The following SIRPB2 variants were observed in gnomAD, a reference collection of about 807,000 sequenced individuals.
SIRPB2 encodes signal regulatory protein beta 2.
A neutral mutation model predicts 27.1 loss-of-function variants in SIRPB2; 18 were observed. The ratio of observed to expected loss-of-function variants is 0.66; its 90% CI spans 0.46 to 0.98. SIRPB2 has a LOEUF of 0.98. Among genes scored for constraint, SIRPB2 ranks in the 50% least tolerant of loss-of-function variants. The pLI is 0.00. For missense variants in SIRPB2, 420 were observed against 417.4 expected (o/e 1.01, Z -0.06); for synonymous variants, 150 against 164.6 (o/e 0.91, Z 0.68).
At chr20:1,473,151 G>C (rs963833047), downstream of SIRPB2, 7 of 152,226 alleles carry the variant, frequency 4.6e-5, no homozygotes, top group African/African-American at 1.4e-4. Context: ...GTCTTCTCTC[G>C]GGAGGAGGTA....
At chr20:1,482,730 T>C (rs2123035195) in intron 1 of SIRPB2, among the ~76,000 whole-genome samples, 1 of 152,084 alleles carries the variant, frequency 6.6e-6, no homozygotes, top group East Asian at 1.9e-4. Context: ...TAATCTCCAG[T>C]TCCATCCGTG....
At chr20:1,491,238 CG>C (rs1568652477) in intron 1 of SIRPB2, 36 bp downstream of exon 1, 2 of 1,578,984 alleles carry the variant, frequency 1.3e-6, no homozygotes, top group Non-Finnish European at 8.6e-7. Flanking sequence ...ACTGACCAGC[CG>C]GGGGTGGACC....
chr20:1,482,647 A>G (rs2090683639), intron 1 of SIRPB2, among the ~76,000 whole-genome samples: 1 of 138,892 alleles, frequency 7.2e-6, no homozygotes, highest in South Asian at 2.2e-4. Flanking sequence ...GGCTCACTGC[A>G]ACCTCCGCCT....
At chr20:1,487,862 C>A (rs931822852) in intron 1 of SIRPB2, among the ~76,000 whole-genome samples, 1 of 152,082 alleles carries the variant, frequency 6.6e-6, no homozygotes, top group African/African-American at 2.4e-5. Flanking sequence ...GTTTTTTCAA[C>A]AATGGTGCAA....
downstream of SIRPB2, among the ~76,000 whole-genome samples, chr20:1,472,101 G>A (rs1024043645): frequency 2.0e-5 from 3 of 152,042 alleles, no homozygotes; most frequent in Admixed American, 2.0e-4. Context: ...GCCCAGGCAG[G>A]ACATGTAATA....
At chr20:1,488,625 G>A (rs536522898) in intron 1 of SIRPB2, among the ~76,000 whole-genome samples, 2 of 138,984 alleles carry the variant, frequency 1.4e-5, no homozygotes, top group East Asian at 3.9e-4. Flanking sequence ...TCCAGCCTGG[G>A]CAACAGAGTG....
intron 1 of SIRPB2, among the ~76,000 whole-genome samples, chr20:1,484,490 TCAAA>T (rs2090705725): frequency 6.6e-6 from 1 of 151,584 alleles, no homozygotes; most frequent in African/African-American, 2.4e-5. Context: ...TACAGGAAAC[TCAAA>T]CAACTCAACA....
chr20:1,472,815 G>C (rs972603778), downstream of SIRPB2: 1 of 152,062 alleles, frequency 6.6e-6, no homozygotes, highest in Non-Finnish European at 1.5e-5. Flanking sequence ...GCGTTTACGG[G>C]GTCTAATACA....
At chr20:1,482,575 TTCCC>T (rs150565205) in intron 1 of SIRPB2, among the ~76,000 whole-genome samples, 1,873 of 148,232 alleles carry the variant, frequency 0.013, 43 homozygotes, top group African/African-American at 0.046. Flanking sequence ...CTCTTTCTCC[TTCCC>T]TCCCTCCCTC....
chr20:1,486,157 C>T (rs757327498), intron 1 of SIRPB2, among the ~76,000 whole-genome samples: 1 of 151,594 alleles, frequency 6.6e-6, no homozygotes, highest in African/African-American at 2.4e-5. Flanking sequence ...ACTCCAACCT[C>T]TGCCTCCCAG....
In SIRPB2 at chr20:1,476,272, T is replaced by C. The variant is rs1446852926; in HGVS notation, c.924A>G (p.Leu308=). 4 of 1,613,582 alleles carry C rather than the reference T, an allele frequency of 2.5e-6. No homozygotes were observed. The highest frequency in any genetic ancestry group is 4.5e-5 in the East Asian group (2 of 44,850). The change falls in exon 5 of 5, where the codon CTA becomes CTG. Residue 308 remains leucine (L), a synonymous_variant. Transcript: ENST00000359801. ...TCCTCCGAGAGGTAGCCAGGGCCAG[T>C]AGGAGTGCAGCCAAGGTAATTGCCT... ...GLKAITLAAL[L]LALATSRRSP...
downstream of SIRPB2, among the ~76,000 whole-genome samples, chr20:1,471,884 G>A (rs2090582133): frequency 6.6e-6 from 1 of 152,200 alleles, no homozygotes. Context: ...TCTCTCACAG[G>A]GAGCAGTCAC....
chr20:1,488,011 A>G (rs537509932), intron 1 of SIRPB2, among the ~76,000 whole-genome samples: 13 of 152,368 alleles, frequency 8.5e-5, no homozygotes, highest in African/African-American at 3.1e-4. Flanking sequence ...ATGGAAAAAA[A>G]CTTTGTAACT....
intron 1 of SIRPB2, among the ~76,000 whole-genome samples, chr20:1,484,810 A>G (rs2090709958): frequency 6.6e-6 from 1 of 152,226 alleles, no homozygotes; most frequent in Admixed American, 6.5e-5. Flanking sequence ...GCCACTATGA[A>G]AAACAGTATG....
intron 3 of SIRPB2, 42 bp from the exon 4 acceptor site, chr20:1,477,445 A>G: frequency 1.3e-6 from 2 of 1,575,612 alleles, no homozygotes; most frequent in African/African-American, 2.7e-5. Context: ...CTTTATCTTT[A>G]TCTCCCACCA....
chr20:1,473,576 C>T (rs2090589016), downstream of SIRPB2, among the ~76,000 whole-genome samples: 1 of 151,974 alleles, frequency 6.6e-6, no homozygotes, highest in Non-Finnish European at 1.5e-5. Flanking sequence ...GATGGAGGTG[C>T]TTTTTTGGAT....
downstream of SIRPB2, among the ~76,000 whole-genome samples, chr20:1,473,490 A>ACACACAC (rs1455321058): frequency 6.6e-6 from 1 of 152,162 alleles, no homozygotes; most frequent in East Asian, 1.9e-4. Context: ...GCGCTCACAC[A>ACACACAC]CACACACCAC....
At position 1,483,270 on chromosome 20, in the gene SIRPB2, C is replaced by CTAATGTTTG. The variant is rs371104253; in HGVS notation, c.86-3214_86-3206dup. 7.4e-3 allele frequency among the ~76,000 whole-genome samples: 1,127 copies of CTAATGTTTG among 152,170 alleles called. 25 individuals carry two copies. The highest frequency in any genetic ancestry group is 0.026 in the African/African-American group (1,092 of 41,492). ...TACAGGCACATGACACTACACTTGG[C>CTAATGTTTG]TAATGTTTGTATTTTTAGTAGGGAC... On this transcript the variant is annotated intron_variant, in intron 1 of 4. Coordinates refer to ENST00000359801, the MANE Select transcript of SIRPB2 (RefSeq NM_001122962.2).
At chr20:1,489,409 G>C (rs2090756415) in intron 1 of SIRPB2, among the ~76,000 whole-genome samples, 1 of 152,220 alleles carries the variant, frequency 6.6e-6, no homozygotes, top group South Asian at 2.1e-4. Context: ...GATGAAGCCT[G>C]CGTGTGTGAG....
Sources: gnomAD v4.1 joint callset for allele counts (sites outside exome capture counted in the v4.1 genomes callset) on GRCh38, gnomAD v4.1.1 for gene constraint, MANE v1.5 for transcripts, NCBI Gene and HGNC (gene_info 2026-07-23, HGNC 2026-07-21) for gene names.